RPP14: variants seen among roughly 807,000 people sequenced by gnomAD.
The protein encoded by RPP14 is ribonuclease P protein subunit p14.
RPP14 carries 19 observed loss-of-function variants against 17.8 expected under a neutral mutation model. The observed-to-expected ratio is 1.07, with a 90% CI of 0.74 to 1.57. The LOEUF (loss-of-function observed/expected upper bound fraction) is 1.57, where lower values mean the gene tolerates loss of function less well. Among genes scored for constraint, RPP14 ranks in the 40% most tolerant of loss-of-function variants. The probability of loss-of-function intolerance (pLI) is 0.00; values close to 1 mark genes in which losing one functional copy is unlikely to be tolerated. For missense variants in RPP14, 125 were observed against 140.8 expected (o/e 0.89, Z 0.57); for synonymous variants, 60 against 56.4 (o/e 1.06, Z -0.29).
At chr3:58,316,723 A>G (rs1245794218) in intron 4 of RPP14, 132 bp downstream of exon 4, 8 of 913,002 alleles carry the variant, frequency 8.8e-6, no homozygotes, top group Admixed American at 6.3e-5. Flanking sequence ...TTAAACTGGG[A>G]TGAATATGAA....
chr3:58,310,433 T>C, intron 2 of RPP14, 27 bp downstream of exon 2: 1 of 1,611,036 alleles, frequency 6.2e-7, no homozygotes, highest in Non-Finnish European at 8.5e-7. Flanking sequence ...AAGTTCTATT[T>C]TAGATTACTT....
intron 3 of RPP14, chr3:58,315,650 TG>T (rs2097487468): frequency 6.6e-6 from 1 of 152,268 alleles, no homozygotes. Context: ...GAAGAGTGCA[TG>T]AACCTCCCTG....
chr3:58,314,593 A>G (rs1043348760), intron 3 of RPP14, among the ~76,000 whole-genome samples: 9 of 152,170 alleles, frequency 5.9e-5, no homozygotes, highest in African/African-American at 2.2e-4. Context: ...AGTGCTAGCA[A>G]GAATGCAAAG....
At chr3:58,310,446 C>T (rs1291095003) in intron 2 of RPP14, 40 bp downstream of exon 2, 1 of 1,605,348 alleles carries the variant, frequency 6.2e-7, no homozygotes, top group East Asian at 2.2e-5. Context: ...GATTACTTTT[C>T]TAACATGAAT....
At chr3:58,308,263 G>A (rs2097477853) in intron 1 of RPP14, among the ~76,000 whole-genome samples, 1 of 151,960 alleles carries the variant, frequency 6.6e-6, no homozygotes, top group Non-Finnish European at 1.5e-5. Flanking sequence ...TACCTACTTT[G>A]TGTCATAGTA....
intron 3 of RPP14, among the ~76,000 whole-genome samples, chr3:58,313,462 C>G (rs553037124): frequency 9.2e-5 from 14 of 152,294 alleles, no homozygotes; most frequent in African/African-American, 3.4e-4. Flanking sequence ...TTCATATAGT[C>G]TGTCAAATCA....
chr3:58,308,996 A>G (rs942625548), intron 1 of RPP14, among the ~76,000 whole-genome samples: 6 of 152,252 alleles, frequency 3.9e-5, no homozygotes, highest in Non-Finnish European at 7.3e-5. Flanking sequence ...CAGACCTTTT[A>G]GAAGCTGCAT....
intron 3 of RPP14, among the ~76,000 whole-genome samples, chr3:58,313,737 AT>A (rs1188009137): frequency 6.6e-6 from 1 of 152,146 alleles, no homozygotes; most frequent in African/African-American, 2.4e-5. Flanking sequence ...AGGTGGGAGG[AT>A]TGCTTGAGCC....
chr3:58,314,675 A>ATTTTTTTTT lies in RPP14; in HGVS notation c.163-1823_163-1815dup, dbSNP rs751757663. 3.5e-3 allele frequency among the ~76,000 whole-genome samples: 315 copies of ATTTTTTTTT among 90,582 alleles called. 5 individuals carry two copies. The highest frequency in any genetic ancestry group is 9.1e-3 in the East Asian group (23 of 2,534). The allele number at this position is 90,582 out of a possible 152,430, so 59.4% of individuals were successfully genotyped here. On this transcript the variant is annotated intron_variant, in intron 3 of 5. Coordinates refer to ENST00000295959, the MANE Select transcript of RPP14 (RefSeq NM_007042.6). ...CCACTCTGGAACATAGTTTGGCAGTATTTTTTTTTTTTTTTTTTTTTTTTT... is the reference window on the plus strand; with the variant it reads ...CCACTCTGGAACATAGTTTGGCAGTATTTTTTTTTTTTTTTTTTTTTTTTTTTTTTTTTT...
At chr3:58,307,437 C>T (rs530853461) in intron 1 of RPP14, among the ~76,000 whole-genome samples, 2 of 152,276 alleles carry the variant, frequency 1.3e-5, no homozygotes, top group East Asian at 1.9e-4. Context: ...AAAAGGCTGA[C>T]TCTAGGCCGG....
intron 1 of RPP14, among the ~76,000 whole-genome samples, chr3:58,307,496 C>T (rs1042825372): frequency 3.3e-5 from 5 of 152,140 alleles, no homozygotes; most frequent in Admixed American, 3.3e-4. Context: ...GGGCCGAGGT[C>T]GGCGGATCAC....
intron 1 of RPP14, among the ~76,000 whole-genome samples, chr3:58,309,146 C>T (rs754502001): frequency 6.6e-5 from 10 of 152,172 alleles, no homozygotes; most frequent in Non-Finnish European, 1.3e-4. Context: ...GAACGACCAT[C>T]CCTCATTCTT....
Position 58,318,001 on chromosome 3 carries a change from G to A in RPP14, c.*505G>A. 2 of 702,876 alleles carry A rather than the reference G, an allele frequency of 2.8e-6. No homozygotes were observed. The highest frequency in any genetic ancestry group is 5.4e-5 in the East Asian group (2 of 37,290). 43.5% of individuals were successfully genotyped at this position (702,876 alleles called of 1,614,324 possible). A position where few individuals can be genotyped will look rare whatever the true frequency, so the allele number is the denominator to read the frequency against. On this transcript the variant is annotated 3_prime_UTR_variant, in exon 6 of 6. Transcript: ENST00000295959. ...AGAAGTTGTTTTAGCTTCTGCAGAA[G>A]TGAAAAAGCTGAAGCGGTTCATTGC...
chr3:58,308,128 C>T (rs1372689000), intron 1 of RPP14: 1 of 152,162 alleles, frequency 6.6e-6, no homozygotes, highest in Non-Finnish European at 1.5e-5. Context: ...TCTCCCTGCC[C>T]TTCTAGTTAG....
At position 58,318,566 on chromosome 3, in the gene RPP14, G is replaced by A. The variant is rs145867123; in HGVS notation, c.*1070G>A. 7.0e-3 allele frequency: 1,077 copies of A among 153,710 alleles called. 6 individuals carry two copies. Among genetic ancestry groups the A allele is most frequent in the Non-Finnish European group, 7.9e-3 (549 of 69,632 alleles). The allele number at this position is 153,710 out of a possible 1,614,324, so 9.5% of individuals were successfully genotyped here. A position where few individuals can be genotyped will look rare whatever the true frequency, so the allele number is the denominator to read the frequency against. ...TTGGCCCTGTAGTCCCAGTTGCTTG[G>A]GAGGCTGAGGTGGGAGAATTGCTTG... On this transcript the variant is annotated 3_prime_UTR_variant, in exon 6 of 6. Transcript: ENST00000295959.
intron 1 of RPP14, among the ~76,000 whole-genome samples, chr3:58,307,299 G>A (rs780512881): frequency 2.6e-5 from 4 of 152,342 alleles, no homozygotes; most frequent in South Asian, 4.1e-4. Context: ...TTGAGCAGAG[G>A]AATGATGTAG....
intron 3 of RPP14, among the ~76,000 whole-genome samples, chr3:58,316,198 G>A (rs187434149): frequency 2.6e-5 from 4 of 152,288 alleles, no homozygotes; most frequent in African/African-American, 9.6e-5. Context: ...AAGAATAAAG[G>A]GAATTATGAA....
intron 3 of RPP14, among the ~76,000 whole-genome samples, chr3:58,314,422 C>T (rs1559794886): frequency 2.0e-5 from 3 of 152,024 alleles, no homozygotes; most frequent in Non-Finnish European, 2.9e-5. Flanking sequence ...AGAAAATGGG[C>T]AAAAACATTA....
chr3:58,315,414 G>A (rs2097487225), intron 3 of RPP14, among the ~76,000 whole-genome samples: 2 of 152,156 alleles, frequency 1.3e-5, no homozygotes, highest in Admixed American at 1.3e-4. Flanking sequence ...GTAAAGGGTA[G>A]AATAAGGGAG....
Sources: gnomAD v4.1 joint callset for allele counts (sites outside exome capture counted in the v4.1 genomes callset) on GRCh38, gnomAD v4.1.1 for gene constraint, MANE v1.5 for transcripts, NCBI Gene and HGNC (gene_info 2026-07-23, HGNC 2026-07-21) for gene names.